Variants in CHD9 observed in about 807,000 individuals in gnomAD.
CHD9 encodes the protein ATP-dependent chromatin remodeler CHD9.
A neutral mutation model predicts 316.1 loss-of-function variants in CHD9; 77 were observed. The observed-to-expected ratio is 0.24, with a 90% CI of 0.20 to 0.29. The LOEUF (loss-of-function observed/expected upper bound fraction) is 0.29. Among genes scored for constraint, CHD9 ranks in the 10% least tolerant of loss-of-function variants. The pLI, the probability that CHD9 is intolerant of heterozygous loss-of-function variation, is 1.00. For synonymous variants in CHD9, 1,129 were observed against 1,158.3 expected (o/e 0.97, Z 0.51); for missense variants, 2,763 against 3,438.1 (o/e 0.80, Z 4.91).
chr16:53,169,274 A>T (rs78384035), intron 2 of CHD9: 1 of 152,286 alleles, frequency 6.6e-6, no homozygotes, highest in East Asian at 1.9e-4. Context: ...TGCCCAGGAC[A>T]GTCTTGAACT....
chr16:53,148,042 A>G (rs2040776214), intron 1 of CHD9, among the ~76,000 whole-genome samples: 1 of 151,908 alleles, frequency 6.6e-6, no homozygotes, highest in Non-Finnish European at 1.5e-5. Flanking sequence ...TGTGTCTACT[A>G]AAAATAAAAA....
intron 2 of CHD9, among the ~76,000 whole-genome samples, chr16:53,170,533 T>C (rs2042626821): frequency 6.6e-6 from 1 of 151,850 alleles, no homozygotes. Flanking sequence ...TGCTTTTTGA[T>C]TGACCTTGTA....
chr16:53,244,943 C>T (rs572063354), intron 13 of CHD9, among the ~76,000 whole-genome samples: 48 of 152,176 alleles, frequency 3.2e-4, no homozygotes, highest in African/African-American at 1.1e-3. Flanking sequence ...AAGATCTCAT[C>T]TCTACAAAAA....
chr16:53,116,205 G>T (rs778042787), intron 1 of CHD9, among the ~76,000 whole-genome samples: 1 of 152,134 alleles, frequency 6.6e-6, no homozygotes, highest in African/African-American at 2.4e-5. Context: ...GATTACAGGC[G>T]CATGCCACTA....
intron 2 of CHD9, among the ~76,000 whole-genome samples, chr16:53,185,117 C>A (rs1244137042): frequency 1.3e-5 from 2 of 151,958 alleles, no homozygotes; most frequent in Non-Finnish European, 2.9e-5. Flanking sequence ...GTAAAGATAC[C>A]CAAAAATATG....
At chr16:53,230,157 T>C (rs2048040852) in intron 8 of CHD9, among the ~76,000 whole-genome samples, 1 of 152,202 alleles carries the variant, frequency 6.6e-6, no homozygotes, top group Non-Finnish European at 1.5e-5. Context: ...AGGCATTTTT[T>C]AAAAGAACAC....
intron 22 of CHD9, among the ~76,000 whole-genome samples, chr16:53,269,932 T>C (rs2052073593): frequency 6.6e-6 from 1 of 152,148 alleles, no homozygotes; most frequent in Non-Finnish European, 1.5e-5. Context: ...AGTGCCAAGA[T>C]TGAAACCCTG....
At chr16:53,150,077 A>G (rs1177584816) in intron 1 of CHD9, among the ~76,000 whole-genome samples, 1 of 152,132 alleles carries the variant, frequency 6.6e-6, no homozygotes, top group Non-Finnish European at 1.5e-5. Flanking sequence ...CCTTTTAAGT[A>G]GAAAATTTCA....
intron 36 of CHD9, among the ~76,000 whole-genome samples, chr16:53,315,412 CATACTT>C (rs2056803763): frequency 6.6e-6 from 1 of 152,228 alleles, no homozygotes; most frequent in Non-Finnish European, 1.5e-5. Flanking sequence ...GTTATGCTGA[CATACTT>C]AGGCACACCA....
chr16:53,236,946 A>T (rs988979828), intron 11 of CHD9, among the ~76,000 whole-genome samples: 2 of 151,684 alleles, frequency 1.3e-5, no homozygotes, highest in Non-Finnish European at 2.9e-5. Flanking sequence ...GTTCTCCCTA[A>T]GCCATATTCT....
chr16:53,227,504 T>C, intron 6 of CHD9, 40 bp downstream of exon 6: 1 of 1,480,958 alleles, frequency 6.8e-7, no homozygotes, highest in Non-Finnish European at 9.2e-7. Flanking sequence ...TCATATTCTG[T>C]GGCCTGTTTA....
intron 2 of CHD9, among the ~76,000 whole-genome samples, chr16:53,190,906 C>T (rs909038241): frequency 6.6e-6 from 1 of 152,044 alleles, no homozygotes; most frequent in Admixed American, 6.5e-5. Flanking sequence ...AATCCTGTTA[C>T]ATATGTCCAC....
intron 8 of CHD9, among the ~76,000 whole-genome samples, chr16:53,230,265 T>C (rs2048054940): frequency 6.6e-6 from 1 of 152,180 alleles, no homozygotes; most frequent in Non-Finnish European, 1.5e-5. Context: ...ATTAAGGTGG[T>C]ATCTGCCAGA....
intron 24 of CHD9, among the ~76,000 whole-genome samples, chr16:53,282,568 C>G (rs2053506615): frequency 6.6e-6 from 1 of 152,154 alleles, no homozygotes; most frequent in Admixed American, 6.5e-5. Flanking sequence ...GATTGCACCA[C>G]TGCACACCAG....
chr16:53,293,381 G>A (rs562712168), intron 29 of CHD9, among the ~76,000 whole-genome samples: 3 of 152,246 alleles, frequency 2.0e-5, no homozygotes, highest in East Asian at 1.9e-4. Flanking sequence ...TTGGGAGGCC[G>A]AGGTGGGAAG....
chr16:53,062,944 C>T (rs995476256), intron 1 of CHD9, among the ~76,000 whole-genome samples: 2 of 152,000 alleles, frequency 1.3e-5, no homozygotes, highest in African/African-American at 4.8e-5. Flanking sequence ...CGCTTGGACC[C>T]GGGAGGCAGA....
chr16:53,106,188 C>A (rs137854938), intron 1 of CHD9, among the ~76,000 whole-genome samples: 4 of 152,278 alleles, frequency 2.6e-5, no homozygotes, highest in African/African-American at 9.6e-5. Context: ...TCCTTTGCAT[C>A]GTCTCTGCTC....
At chr16:53,076,445 G>C (rs1051140824) in intron 1 of CHD9, among the ~76,000 whole-genome samples, 1 of 152,008 alleles carries the variant, frequency 6.6e-6, no homozygotes, top group Admixed American at 6.6e-5. Flanking sequence ...CATGGTGGCA[G>C]GCGCCTATAA....
rs1380790833 is a variant in CHD9 at position 53,248,534 on chromosome 16, T to G, written c.3665+1031T>G. On this transcript the variant is annotated intron_variant, in intron 16 of 38. Coordinates refer to ENST00000447540, the MANE Select transcript of CHD9 (RefSeq NM_001308319.2). ...TGTTGGTTTTTTTTTTTGTTTTTTT[T>G]TTTTTTTTGAAGACAGGGTCTCACT... Among the ~76,000 whole-genome samples the G allele has an allele frequency of 7.5e-5, 11 of 146,910 alleles. No homozygotes were observed. In the South Asian group the frequency reaches 8.6e-4, roughly 11 times the overall value.
Sources: gnomAD v4.1 joint callset for allele counts (sites outside exome capture counted in the v4.1 genomes callset) on GRCh38, gnomAD v4.1.1 for gene constraint, MANE v1.5 for transcripts, NCBI Gene and HGNC (gene_info 2026-07-23, HGNC 2026-07-21) for gene names.